Variants in PARN observed in about 807,000 individuals in gnomAD.
PARN encodes poly(A)-specific ribonuclease, also known as poly(A)-specific ribonuclease PARN.
PARN carries 71 observed loss-of-function variants against 102.8 expected under a neutral mutation model. The ratio of observed to expected loss-of-function variants is 0.69; its 90% CI spans 0.57 to 0.84. The LOEUF (loss-of-function observed/expected upper bound fraction) is 0.84, where lower values mean the gene tolerates loss of function less well. PARN is among the 40% of genes least tolerant of loss of function. The probability of loss-of-function intolerance (pLI) is 0.00; values close to 1 mark genes in which losing one functional copy is unlikely to be tolerated. For synonymous variants in PARN, 261 were observed against 252.9 expected (o/e 1.03, Z -0.30); for missense variants, 782 against 760.9 (o/e 1.03, Z -0.33).
chr16:14,587,367 CCA>C (rs1406916880), intron 13 of PARN, among the ~76,000 whole-genome samples: 1 of 152,166 alleles, frequency 6.6e-6, no homozygotes, highest in African/African-American at 2.4e-5. Flanking sequence ...CAGTTCTAGA[CCA>C]ATGTCTTCTA....
At chr16:14,466,328 T>C (rs1197454096) in intron 22 of PARN, among the ~76,000 whole-genome samples, 1 of 152,224 alleles carries the variant, frequency 6.6e-6, no homozygotes, top group East Asian at 1.9e-4. Context: ...ATAGCTTTCA[T>C]TGAAAATATT....
chr16:14,554,949 C>T (rs1400255398), intron 19 of PARN, among the ~76,000 whole-genome samples: 1 of 152,140 alleles, frequency 6.6e-6, no homozygotes, highest in Non-Finnish European at 1.5e-5. Flanking sequence ...CAGCTCTAAG[C>T]AAGAGATCTA....
chr16:14,455,000 T>C lies in PARN; in HGVS notation c.1671-7919A>G, dbSNP rs945300514. On this transcript the variant is annotated intron_variant, in intron 22 of 23. Transcript: ENST00000437198. ...ACATAAAAATAACCTCTACCTGATATAGACGTTTGTTAACAGAAAACATTA... is the reference window on the plus strand; with the variant it reads ...ACATAAAAATAACCTCTACCTGATACAGACGTTTGTTAACAGAAAACATTA... 3.3e-5 allele frequency among the ~76,000 whole-genome samples: 5 copies of C among 152,324 alleles called. No homozygotes were observed. The East Asian group carries it at 5.8e-4, about 18-fold the overall frequency.
chr16:14,541,419 A>G (rs1452910692), intron 21 of PARN, among the ~76,000 whole-genome samples: 1 of 152,174 alleles, frequency 6.6e-6, no homozygotes, highest in Non-Finnish European at 1.5e-5. Flanking sequence ...ACAGCCATGA[A>G]AAAGTTTGTA....
At chr16:14,548,994 G>C (rs1967132762) in intron 21 of PARN, among the ~76,000 whole-genome samples, 1 of 151,556 alleles carries the variant, frequency 6.6e-6, no homozygotes, top group South Asian at 2.1e-4. Context: ...AAGGGAGAGG[G>C]GGGAAGGTGG....
chr16:14,526,624 G>C (rs1230337347), intron 21 of PARN, among the ~76,000 whole-genome samples: 1 of 152,190 alleles, frequency 6.6e-6, no homozygotes, highest in Non-Finnish European at 1.5e-5. Flanking sequence ...CAAAGGAAAA[G>C]TCAAGGGTGT....
intron 21 of PARN, among the ~76,000 whole-genome samples, chr16:14,548,383 G>A (rs1055255464): frequency 6.6e-6 from 1 of 152,136 alleles, no homozygotes; most frequent in African/African-American, 2.4e-5. Flanking sequence ...AGAAATCACA[G>A]CTAAAGAGCA....
At chr16:14,481,657 A>G (rs1307563534) in intron 22 of PARN, among the ~76,000 whole-genome samples, 1 of 152,156 alleles carries the variant, frequency 6.6e-6, no homozygotes, top group Non-Finnish European at 1.5e-5. Flanking sequence ...TCTCTAAAAA[A>G]CCATTTTTAA....
chr16:14,580,131 C>T (rs903554194), intron 18 of PARN, among the ~76,000 whole-genome samples: 2 of 152,122 alleles, frequency 1.3e-5, no homozygotes, highest in African/African-American at 2.4e-5. Flanking sequence ...GCCACCGTGC[C>T]GGCTAATTTT....
At chr16:14,469,568 C>T (rs1332954229) in intron 22 of PARN, among the ~76,000 whole-genome samples, 1 of 152,204 alleles carries the variant, frequency 6.6e-6, no homozygotes, top group Non-Finnish European at 1.5e-5. Flanking sequence ...AACCACCTAT[C>T]AGTACAAGGA....
intron 5 of PARN, among the ~76,000 whole-genome samples, chr16:14,617,934 C>A (rs543473227): frequency 2.6e-5 from 4 of 152,226 alleles, no homozygotes; most frequent in African/African-American, 9.6e-5. Flanking sequence ...CTCAAACTTC[C>A]GGACTCAAGC....
chr16:14,436,190 C>T lies in PARN; in HGVS notation c.*527G>A, dbSNP rs1416306800. 1 of 154,720 alleles carries T rather than the reference C, an allele frequency of 6.5e-6. No homozygotes were observed. Among genetic ancestry groups the T allele is most frequent in the African/African-American group, 2.4e-5 (1 of 41,444 alleles). The allele number at this position is 154,720 out of a possible 1,614,324, so 9.6% of individuals were successfully genotyped here. On this transcript the variant is annotated 3_prime_UTR_variant, in exon 24 of 24. Coordinates refer to ENST00000437198, the MANE Select transcript of PARN (RefSeq NM_002582.4). ...GACATCTTCCTGAAGGAAGGACAAG[C>T]TTGAGAGCGTCATGTTTTCAGGCAG...
chr16:14,525,663 C>T (rs1236653163), intron 21 of PARN, among the ~76,000 whole-genome samples: 1 of 152,114 alleles, frequency 6.6e-6, no homozygotes, highest in Admixed American at 6.5e-5. Flanking sequence ...GACAGAGCCG[C>T]TCAGTGAATC....
intron 22 of PARN, among the ~76,000 whole-genome samples, chr16:14,452,039 G>A (rs1596442647): frequency 6.6e-6 from 1 of 151,996 alleles, no homozygotes; most frequent in South Asian, 2.1e-4. Context: ...GTGACAGAGT[G>A]AGACCCTGTC....
intron 21 of PARN, among the ~76,000 whole-genome samples, chr16:14,498,049 G>C (rs905198174): frequency 6.6e-6 from 1 of 151,568 alleles, no homozygotes; most frequent in Admixed American, 6.6e-5. Context: ...GCTTGAACCA[G>C]GGAGTCGGAG....
At chr16:14,516,129 G>A (rs889014070) in intron 21 of PARN, among the ~76,000 whole-genome samples, 5 of 151,530 alleles carry the variant, frequency 3.3e-5, no homozygotes, top group African/African-American at 7.3e-5. Context: ...AACACAACTT[G>A]CCTTAAGAGA....
intron 12 of PARN, among the ~76,000 whole-genome samples, chr16:14,596,784 TTTCC>T (rs1165816601): frequency 1.3e-5 from 2 of 150,962 alleles, no homozygotes; most frequent in Non-Finnish European, 3.0e-5. Flanking sequence ...CATTTTTTTC[TTTCC>T]TTTTTTTTTT....
chr16:14,452,116 T>C (rs1402593542), intron 22 of PARN, among the ~76,000 whole-genome samples: 1 of 152,060 alleles, frequency 6.6e-6, no homozygotes, highest in Admixed American at 6.6e-5. Flanking sequence ...TCTACGGACA[T>C]GGAGATTGAC....
At chr16:14,579,507 C>G (rs1468374392) in intron 18 of PARN, among the ~76,000 whole-genome samples, 2 of 152,020 alleles carry the variant, frequency 1.3e-5, no homozygotes, top group African/African-American at 4.8e-5. Flanking sequence ...GAGGTGGAGG[C>G]TGCAGTGAGC....
Sources: allele counts gnomAD v4.1 joint callset (sites outside exome capture counted in the v4.1 genomes callset), GRCh38; gene constraint gnomAD v4.1.1; transcripts MANE v1.5; gene names NCBI Gene and HGNC (gene_info 2026-07-23, HGNC 2026-07-21).